Variants in TEKT1 observed in about 807,000 individuals in gnomAD.
The protein encoded by TEKT1 is tektin 1, also known as tektin-1.
In TEKT1, 32 loss-of-function variants were observed where a neutral mutation model predicts 34.8. The ratio of observed to expected loss-of-function variants is 0.92; its 90% CI spans 0.69 to 1.23. TEKT1 has a LOEUF of 1.23. Among genes scored for constraint, TEKT1 ranks in the 50% most tolerant of loss-of-function variants. The pLI is 0.00. For synonymous variants in TEKT1, 207 were observed against 199.8 expected (o/e 1.04, Z -0.30); for missense variants, 492 against 518.5 (o/e 0.95, Z 0.50).
rs954448717 is a variant in TEKT1, at chr17:6,811,184, G to A, written c.852+1647C>T. Among the ~76,000 whole-genome samples the A allele has an allele frequency of 1.3e-5, 2 of 151,988 alleles. No homozygotes were observed. Among genetic ancestry groups the A allele is most frequent in the Non-Finnish European group, 2.9e-5 (2 of 68,004 alleles). On this transcript the variant is annotated intron_variant, in intron 6 of 7. Coordinates refer to ENST00000338694, the MANE Select transcript of TEKT1 (RefSeq NM_053285.2). This position sits in a 1 kb window ranked among gnomAD's most constrained non-coding sequence, Gnocchi z 4.4. ...ATCCATCTTTCAAGGCCTATACTAA[G>A]TTCTTATTCCACCAGGAAGTCTCTG... is the stretch of plus-strand genomic sequence containing the variant.
intron 6 of TEKT1, among the ~76,000 whole-genome samples, chr17:6,808,060 C>T (rs376078217): frequency 1.3e-5 from 2 of 152,200 alleles, no homozygotes; most frequent in African/African-American, 2.4e-5. Context: ...TACCCTCCCC[C>T]AGAGGTGGAG....
intron 6 of TEKT1, among the ~76,000 whole-genome samples, chr17:6,804,421 C>T (rs891716951): frequency 4.0e-5 from 6 of 151,786 alleles, no homozygotes; most frequent in African/African-American, 1.5e-4. Context: ...GACAATTTGA[C>T]TTCCTCTTTT....
At chr17:6,818,206 G>A (rs2151588701) in intron 3 of TEKT1, among the ~76,000 whole-genome samples, 1 of 152,246 alleles carries the variant, frequency 6.6e-6, no homozygotes, top group African/African-American at 2.4e-5. Flanking sequence ...AATTTATCTT[G>A]AAGCCATTGG....
Position 6,811,720 on chromosome 17 carries a change from C to T in TEKT1, c.852+1111G>A, listed in dbSNP as rs1976930598. ...TCAGGGGCTGAGAAGGCCTGGGCTC[C>T]ACTCCCACCGTGCCGCCTTGGGGCC... On this transcript the variant is annotated intron_variant, in intron 6 of 7. Transcript: ENST00000338694. This position sits in a 1 kb window ranked among gnomAD's most constrained non-coding sequence, Gnocchi z 4.4. Among the ~76,000 whole-genome samples the T allele has an allele frequency of 6.6e-6, 1 of 152,120 alleles. No individual in the cohort carries two copies.
At chr17:6,815,593 G>A (rs991984047) in intron 4 of TEKT1, among the ~76,000 whole-genome samples, 13 of 152,130 alleles carry the variant, frequency 8.5e-5, no homozygotes, top group East Asian at 7.7e-4. Flanking sequence ...GGGTTCCAGC[G>A]TCCTCCAGTT....
At chr17:6,801,192 T>A (rs1233985856) in intron 6 of TEKT1, among the ~76,000 whole-genome samples, 1 of 152,198 alleles carries the variant, frequency 6.6e-6, no homozygotes, top group East Asian at 1.9e-4. Context: ...CCACAGGAGA[T>A]GCCCTCAGCA....
intron 4 of TEKT1, among the ~76,000 whole-genome samples, chr17:6,815,511 C>T (rs56286838): frequency 0.081 from 12,345 of 152,194 alleles, 621 homozygotes; most frequent in Middle Eastern, 0.19. Context: ...CTTGGAGATT[C>T]TCCCTTCTAC....
At chr17:6,821,561 A>G (rs9907310) in intron 2 of TEKT1, among the ~76,000 whole-genome samples, 9,362 of 152,270 alleles carry the variant, frequency 0.061, 819 homozygotes, top group African/African-American at 0.19. Flanking sequence ...ACAGAGAATT[A>G]GTACTGGAAG....
rs2151585831 is a variant in TEKT1 at position 6,812,973 on chromosome 17, A to G, written c.710T>C (p.Met237Thr). 1 of 1,614,254 alleles carries G rather than the reference A, an allele frequency of 6.2e-7. No individual in the cohort carries two copies. The highest frequency in any genetic ancestry group is 1.1e-5 in the South Asian group (1 of 91,088). ...GATTCGATCCACCAGGGCTTTCAGC[A>G]TCAGGGAGTTGTTCCGCTGCTTGTC... is the stretch of plus-strand genomic sequence containing the variant. ...KADKQRNNSLMLKALVDRILS... is the reference protein window; with the variant it reads ...KADKQRNNSLTLKALVDRILS... The change falls in exon 6 of 8, where the codon ATG (methionine) becomes ACG (threonine). Residue 237 changes from methionine to threonine, a missense_variant. Met to Thr is a moderately conservative substitution (Grantham distance 81). Transcript: ENST00000338694.
In TEKT1 at chr17:6,811,855, A is replaced by G. The variant is rs1976933071; in HGVS notation, c.852+976T>C. Among the ~76,000 whole-genome samples the G allele has an allele frequency of 6.6e-6, 1 of 152,194 alleles. No individual in the cohort carries two copies. Reference sequence around the variant, plus strand: ...ACCAATGTGGGAGTATTTGTACTACAGACATCGACAAATTCTACAGGAAGG... The same window carrying G: ...ACCAATGTGGGAGTATTTGTACTACGGACATCGACAAATTCTACAGGAAGG... On this transcript the variant is annotated intron_variant, in intron 6 of 7. Transcript: ENST00000338694. This position sits in a 1 kb window ranked among gnomAD's most constrained non-coding sequence, Gnocchi z 4.4.
intron 2 of TEKT1, among the ~76,000 whole-genome samples, chr17:6,826,718 C>T (rs1010707210): frequency 4.1e-5 from 6 of 147,750 alleles, no homozygotes; most frequent in Admixed American, 2.0e-4. Flanking sequence ...TTTTTTGCGA[C>T]GGAGTCTTGC....
intron 6 of TEKT1, among the ~76,000 whole-genome samples, 167 bp from the exon 7 acceptor site, chr17:6,801,110 T>C (rs1976765549): frequency 6.6e-6 from 1 of 152,130 alleles, no homozygotes; most frequent in Non-Finnish European, 1.5e-5. Context: ...TGATTGCTGG[T>C]GGGCAAGGTC....
At position 6,817,647 on chromosome 17, in the gene TEKT1, CA is replaced by C; in HGVS notation, c.356+1545del. ...CTCCTCCCAAACTGACCCTGCTACACAACGTTTTGCTCTTTTTCAACCTGCA... is the reference window on the plus strand; with the variant it reads ...CTCCTCCCAAACTGACCCTGCTACACACGTTTTGCTCTTTTTCAACCTGCA... On this transcript the variant is annotated intron_variant, in intron 3 of 7. Coordinates refer to ENST00000338694, the MANE Select transcript of TEKT1 (RefSeq NM_053285.2). 2.6e-5 allele frequency among the ~76,000 whole-genome samples: 3 copies of C among 116,146 alleles called. 1 individual carries two copies. Among genetic ancestry groups the C allele is most frequent in the African/African-American group, 1.1e-4 (3 of 27,212 alleles). The allele number at this position is 116,146 out of a possible 152,430, so 76.2% of individuals were successfully genotyped here. A position where few individuals can be genotyped will look rare whatever the true frequency, so the allele number is the denominator to read the frequency against.
chr17:6,811,153 T>C lies in TEKT1; in HGVS notation c.852+1678A>G, dbSNP rs1370446768. Among the ~76,000 whole-genome samples the C allele has an allele frequency of 6.6e-6, 1 of 152,174 alleles. No homozygotes were observed. Among genetic ancestry groups the C allele is most frequent in the Non-Finnish European group, 1.5e-5 (1 of 68,040 alleles). On this transcript the variant is annotated intron_variant, in intron 6 of 7. Coordinates refer to ENST00000338694, the MANE Select transcript of TEKT1 (RefSeq NM_053285.2). The surrounding 1 kb of genome is among the most constrained non-coding windows in gnomAD (Gnocchi z 4.4). ...CTCTCCCATCCTCCCTTCTGTCCTA[T>C]CTCAGATCCATCTTTCAAGGCCTAT... is the stretch of plus-strand genomic sequence containing the variant.
At chr17:6,800,715 G>T in intron 7 of TEKT1, 32 bp downstream of exon 7, 1 of 1,589,770 alleles carries the variant, frequency 6.3e-7, no homozygotes, top group Non-Finnish European at 8.6e-7. Context: ...ATTGAGACCC[G>T]AAGGCCCTCT....
chr17:6,830,148 C>A, intron 2 of TEKT1, 39 bp downstream of exon 2: 17 of 1,581,286 alleles, frequency 1.1e-5, no homozygotes, highest in Non-Finnish European at 1.5e-5. Context: ...ACAGCCTCAT[C>A]CTAGCATGTT....
At chr17:6,805,576 T>A (rs1466268187) in intron 6 of TEKT1, among the ~76,000 whole-genome samples, 6 of 152,236 alleles carry the variant, frequency 3.9e-5, no homozygotes, top group African/African-American at 1.2e-4. Flanking sequence ...AAATTTTAGA[T>A]CTTTCCTGCT....
chr17:6,814,132 C>A (rs924728990), intron 5 of TEKT1, among the ~76,000 whole-genome samples: 1 of 152,170 alleles, frequency 6.6e-6, no homozygotes, highest in Admixed American at 6.5e-5. Context: ...GCAACCCCAG[C>A]AGCTGGCTTG....
intron 6 of TEKT1, among the ~76,000 whole-genome samples, chr17:6,812,495 G>A (rs760208324): frequency 7.9e-5 from 12 of 152,286 alleles, no homozygotes; most frequent in Non-Finnish European, 1.6e-4. Context: ...CTTCACATAC[G>A]GAGGAGTGGC....
Sources: allele counts gnomAD v4.1 joint callset (sites outside exome capture counted in the v4.1 genomes callset), GRCh38; gene constraint gnomAD v4.1.1; non-coding constraint Gnocchi (gnomAD v3.1); transcripts MANE v1.5; gene names NCBI Gene and HGNC (gene_info 2026-07-23, HGNC 2026-07-21).